The following MARK1 variants were observed in gnomAD, a reference collection of about 807,000 sequenced individuals.
The protein encoded by MARK1 is serine/threonine-protein kinase MARK1.
A neutral mutation model predicts 96.3 loss-of-function variants in MARK1; 40 were observed. The observed-to-expected ratio is 0.42, with a 90% CI of 0.32 to 0.54. The LOEUF is 0.54. Among genes scored for constraint, MARK1 ranks in the 20% least tolerant of loss-of-function variants. The probability of loss-of-function intolerance (pLI) is 0.16; values close to 1 mark genes in which losing one functional copy is unlikely to be tolerated. For synonymous variants in MARK1, 317 were observed against 341.2 expected, an observed-to-expected ratio of 0.93 and a Z score of 0.78; for missense variants, 719 against 984.6, an observed-to-expected ratio of 0.73 and a Z score of 3.61.
intron 1 of MARK1, among the ~76,000 whole-genome samples, chr1:220,540,072 A>T (rs184857650): frequency 6.6e-6 from 1 of 152,038 alleles, no homozygotes; most frequent in South Asian, 2.1e-4. Flanking sequence ...CTTTGTTTAG[A>T]TGTTCTATTT....
chr1:220,575,992 T>C (rs1331987605), intron 1 of MARK1, among the ~76,000 whole-genome samples: 1 of 1,406 alleles, frequency 7.1e-4, no homozygotes, highest in African/African-American at 2.4e-3. Context: ...TATAGCTCCT[T>C]TTTTTTTCTT....
chr1:220,587,140 T>A (rs1664674969), intron 3 of MARK1, among the ~76,000 whole-genome samples: 1 of 152,160 alleles, frequency 6.6e-6, no homozygotes, highest in Non-Finnish European at 1.5e-5. Flanking sequence ...TTTTTACATA[T>A]GATTGTACTT....
intron 1 of MARK1, among the ~76,000 whole-genome samples, chr1:220,544,213 G>C (rs553174751): frequency 6.6e-6 from 1 of 152,080 alleles, no homozygotes; most frequent in Non-Finnish European, 1.5e-5. Flanking sequence ...GATGGCAACC[G>C]AAAAAGGAGT....
At chr1:220,633,926 T>G (rs932399661) in intron 11 of MARK1, among the ~76,000 whole-genome samples, 4 of 152,178 alleles carry the variant, frequency 2.6e-5, no homozygotes, top group African/African-American at 9.7e-5. Flanking sequence ...ATTTGAATAA[T>G]TAATAGATTT....
At chr1:220,533,855 C>G (rs1386699541) in intron 1 of MARK1, among the ~76,000 whole-genome samples, 2 of 152,094 alleles carry the variant, frequency 1.3e-5, no homozygotes, top group Non-Finnish European at 2.9e-5. Context: ...GAAAATTTAT[C>G]ATTCTATCCT....
At chr1:220,585,997 A>ACC (rs1287584165) in intron 3 of MARK1, among the ~76,000 whole-genome samples, 1 of 27,000 alleles carries the variant, frequency 3.7e-5, no homozygotes, top group African/African-American at 5.3e-5. Context: ...ACACACACAC[A>ACC]CACACACACA....
intron 3 of MARK1, among the ~76,000 whole-genome samples, chr1:220,593,178 C>G (rs1665109983): frequency 6.6e-6 from 1 of 151,178 alleles, no homozygotes; most frequent in South Asian, 2.1e-4. Context: ...TATAGCAAAA[C>G]CAAAATAAGT....
intron 1 of MARK1, among the ~76,000 whole-genome samples, chr1:220,545,951 T>C (rs1049216048): frequency 2.0e-5 from 3 of 152,166 alleles, no homozygotes; most frequent in Admixed American, 2.0e-4. Flanking sequence ...TAGCAAAGAA[T>C]CTTGCTAAGT....
intron 9 of MARK1, chr1:220,626,909 G>T (rs932361407): frequency 6.1e-6 from 3 of 495,854 alleles, no homozygotes; most frequent in Non-Finnish European, 1.2e-5. Context: ...CTGGGAGGAA[G>T]TGGTTCCAAT....
In MARK1 at chr1:220,610,542, C is replaced by G. The variant is rs140717435; in HGVS notation, c.496-5397C>G. Among the ~76,000 whole-genome samples, 266 of 152,304 alleles carry G rather than the reference C, an allele frequency of 1.7e-3. 1 individual carries two copies. The highest frequency in any genetic ancestry group is 6.0e-3 in the African/African-American group (251 of 41,554). ...GTTTGTTATTACAGACCTTCTGAAGCCTACTTCTGTCAACTTGTCAAAGTC... is the reference window on the plus strand; with the variant it reads ...GTTTGTTATTACAGACCTTCTGAAGGCTACTTCTGTCAACTTGTCAAAGTC... On this transcript the variant is annotated intron_variant, in intron 6 of 17. Coordinates refer to ENST00000366917, the MANE Select transcript of MARK1 (RefSeq NM_018650.5).
chr1:220,538,378 A>C (rs1660877722), intron 1 of MARK1, among the ~76,000 whole-genome samples: 3 of 150,370 alleles, frequency 2.0e-5, no homozygotes, highest in African/African-American at 4.8e-5. Context: ...GTCAAAGATC[A>C]GATAGTTGTA....
chr1:220,553,748 T>C (rs1008121623), intron 1 of MARK1, among the ~76,000 whole-genome samples: 2 of 152,026 alleles, frequency 1.3e-5, no homozygotes, highest in African/African-American at 4.8e-5. Context: ...CAAAAGAGAA[T>C]AGTTGTCTGC....
chr1:220,603,390 C>A (rs915580160), intron 5 of MARK1, among the ~76,000 whole-genome samples: 1 of 152,024 alleles, frequency 6.6e-6, no homozygotes, highest in Non-Finnish European at 1.5e-5. Context: ...TATCTATCCA[C>A]TTCGTGTTCT....
chr1:220,533,877 C>A (rs1660498382), intron 1 of MARK1, among the ~76,000 whole-genome samples: 1 of 152,062 alleles, frequency 6.6e-6, no homozygotes, highest in Non-Finnish European at 1.5e-5. Context: ...CATGTTTAAC[C>A]TGTCATTTAT....
chr1:220,627,181 G>T (rs1030230106), intron 9 of MARK1: 3 of 480,154 alleles, frequency 6.2e-6, no homozygotes, highest in Non-Finnish European at 1.3e-5. Flanking sequence ...TGAGGAGAGT[G>T]GCGATGAGAG....
In MARK1 at chr1:220,632,293, C is replaced by G; in HGVS notation, c.1102C>G (p.Leu368Val). The G allele has an allele frequency of 1.3e-6, 2 of 1,533,850 alleles. No homozygotes were observed. The highest frequency in any genetic ancestry group is 1.8e-6 in the Non-Finnish European group (2 of 1,140,070). Residue 368 changes from leucine to valine, a missense_variant, in exon 11 of 18, where the codon CTA becomes GTA. Leu to Val is a conservative substitution (Grantham distance 32). This residue lies in a region of MARK1 where 501 missense variants were observed against 588.3 expected (regional missense o/e 0.85). Transcript: ENST00000366917. Reference protein sequence around the residue: ...YDEVMATYILLGRKPPEFEGG... With the variant: ...YDEVMATYILVGRKPPEFEGG... ...TGAAGTTATGGCTACTTATATTCTT[C>G]TAGGTAGAAAACCACCTGAAGTAAG...
At chr1:220,639,529 C>T (rs1293591797) in intron 13 of MARK1, among the ~76,000 whole-genome samples, 1 of 152,100 alleles carries the variant, frequency 6.6e-6, no homozygotes, top group Non-Finnish European at 1.5e-5. Context: ...CCAGAGTGCA[C>T]ATCCTTATAC....
At chr1:220,537,545 C>T (rs1471167237) in intron 1 of MARK1, among the ~76,000 whole-genome samples, 2 of 133,722 alleles carry the variant, frequency 1.5e-5, no homozygotes, top group Non-Finnish European at 3.3e-5. Context: ...CCGCAATAAA[C>T]ATACGTGTGC....
At chr1:220,587,435 C>T (rs1664714355) in intron 3 of MARK1, among the ~76,000 whole-genome samples, 1 of 151,936 alleles carries the variant, frequency 6.6e-6, no homozygotes, top group African/African-American at 2.4e-5. Context: ...ATGGCGTGAT[C>T]TCTGCTCACT....
Sources: gnomAD v4.1 joint callset for allele counts (sites outside exome capture counted in the v4.1 genomes callset) on GRCh38, gnomAD v4.1.1 for gene constraint, gnomAD v4.1.1 regional missense constraint, MANE v1.5 for transcripts, NCBI Gene and HGNC (gene_info 2026-07-23, HGNC 2026-07-21) for gene names.